DENND1A: variants seen among roughly 807,000 people sequenced by gnomAD.
DENND1A encodes the protein DENN domain-containing protein 1A.
Under a neutral mutation model 113.7 loss-of-function variants are expected in DENND1A, and 51 were observed. The observed-to-expected ratio is 0.45, with a 90% confidence interval of 0.36 to 0.57. DENND1A has a LOEUF of 0.57. Among genes scored for constraint, DENND1A ranks in the 20% least tolerant of loss-of-function variants. DENND1A has a pLI of 0.00. For synonymous variants in DENND1A, 565 were observed against 570.8 expected (o/e 0.99, Z 0.14); for missense variants, 1,258 against 1,395.9 (o/e 0.90, Z 1.57).
At chr9:123,432,252 A>G (rs2046189750) in intron 19 of DENND1A, among the ~76,000 whole-genome samples, 1 of 152,242 alleles carries the variant, frequency 6.6e-6, no homozygotes, top group African/African-American at 2.4e-5. Context: ...GTCTGCTCAA[A>G]GGAGCAAACC....
chr9:123,573,759 C>CT (rs970044971), intron 12 of DENND1A, among the ~76,000 whole-genome samples: 2 of 151,918 alleles, frequency 1.3e-5, no homozygotes, highest in African/African-American at 4.8e-5. Flanking sequence ...GGCTTTACCT[C>CT]TTTTCCCTGT....
At chr9:123,551,460 A>G (rs2057039299) in intron 13 of DENND1A, among the ~76,000 whole-genome samples, 1 of 152,232 alleles carries the variant, frequency 6.6e-6, no homozygotes, top group Admixed American at 6.5e-5. Context: ...TGGAAACTAG[A>G]ACAAAGACAG....
At chr9:123,677,027 A>C (rs2064120989) in intron 5 of DENND1A, among the ~76,000 whole-genome samples, 1 of 152,224 alleles carries the variant, frequency 6.6e-6, no homozygotes, top group South Asian at 2.1e-4. Flanking sequence ...CCTCAGAGCT[A>C]GAACAGTTCA....
chr9:123,888,141 C>T (rs1387499609), intron 1 of DENND1A, among the ~76,000 whole-genome samples: 1 of 152,090 alleles, frequency 6.6e-6, no homozygotes, highest in Non-Finnish European at 1.5e-5. Context: ...GATTCTAGCA[C>T]TAAGACAGGG....
Position 123,546,362 on chromosome 9 carries a change from C to T in DENND1A, c.993+11208G>A, listed in dbSNP as rs546107192. ...AGGAGATCAAGACCATCCTGGCTAA[C>T]ACAGTGAAACCCCGTCTCTACTAAA... On this transcript the variant is annotated intron_variant, in intron 13 of 23. Transcript: ENST00000394215. Among the ~76,000 whole-genome samples the T allele has an allele frequency of 1.6e-4, 25 of 151,904 alleles. No homozygotes were observed. In the South Asian group the frequency reaches 3.3e-3, roughly 20 times the overall value.
intron 10 of DENND1A, among the ~76,000 whole-genome samples, chr9:123,626,329 T>C (rs1186904992): frequency 6.6e-6 from 1 of 151,924 alleles, no homozygotes; most frequent in Non-Finnish European, 1.5e-5. Flanking sequence ...GTGTGGGGTC[T>C]ATTCCTGTGA....
At chr9:123,497,307 G>T (rs945979131) in intron 13 of DENND1A, among the ~76,000 whole-genome samples, 1 of 152,136 alleles carries the variant, frequency 6.6e-6, no homozygotes, top group African/African-American at 2.4e-5. Flanking sequence ...CAATTGTAAG[G>T]CTCTTTTATT....
intron 13 of DENND1A, among the ~76,000 whole-genome samples, chr9:123,530,159 G>A (rs1450015733): frequency 6.6e-6 from 1 of 152,106 alleles, no homozygotes; most frequent in Admixed American, 6.6e-5. Flanking sequence ...TGGCAGAGAA[G>A]TAGTATTTGA....
chr9:123,703,263 C>T (rs928999133), intron 5 of DENND1A, among the ~76,000 whole-genome samples: 6 of 152,152 alleles, frequency 3.9e-5, no homozygotes, highest in Non-Finnish European at 8.8e-5. Flanking sequence ...TGAGCCACTG[C>T]ACCCAGCCTA....
Position 123,382,362 on chromosome 9 carries a change from G to A in DENND1A, c.2283C>T (p.Pro761=). ...PTPTLGSITI[P]RPQGRKTPEL... is the part of the protein sequence containing the mutation. ...CTGGGGTCTTCCTGCCTTGGGGCCG[G>A]GGGATGGTGATGCTGCCCAGAGTAG... The change falls in exon 24 of 24, where the codon CCC becomes CCT. Residue 761 remains proline (P), a synonymous_variant. Coordinates refer to ENST00000394215, the MANE Select transcript of DENND1A (RefSeq NM_001352964.2). The A allele has an allele frequency of 6.2e-7, 1 of 1,601,062 alleles. No homozygotes were observed. The highest frequency in any genetic ancestry group is 8.5e-7 in the Non-Finnish European group (1 of 1,173,740).
intron 9 of DENND1A, among the ~76,000 whole-genome samples, chr9:123,649,526 T>G (rs1474717411): frequency 1.3e-5 from 2 of 152,220 alleles, no homozygotes; most frequent in Non-Finnish European, 2.9e-5. Context: ...CTTGAGATGT[T>G]TGATAAAACA....
At chr9:123,384,503 A>AGGT (rs1480596268) in intron 22 of DENND1A, among the ~76,000 whole-genome samples, 2 of 152,194 alleles carry the variant, frequency 1.3e-5, no homozygotes, top group South Asian at 2.1e-4. Context: ...TCAGGTGCTC[A>AGGT]GGTGGTGGTG....
At chr9:123,780,084 C>G (rs576888863) in intron 3 of DENND1A, among the ~76,000 whole-genome samples, 1 of 152,158 alleles carries the variant, frequency 6.6e-6, no homozygotes, top group Non-Finnish European at 1.5e-5. Flanking sequence ...GAACTCCTGA[C>G]GTCAAGTGAT....
chr9:123,499,164 G>T (rs2052233899), intron 13 of DENND1A, among the ~76,000 whole-genome samples: 1 of 152,074 alleles, frequency 6.6e-6, no homozygotes, highest in African/African-American at 2.4e-5. Context: ...CTCCCGAGTA[G>T]CTGGGATTAC....
At chr9:123,896,740 G>C (rs888242910) in intron 1 of DENND1A, among the ~76,000 whole-genome samples, 6 of 152,086 alleles carry the variant, frequency 3.9e-5, no homozygotes, top group African/African-American at 1.4e-4. Flanking sequence ...TAACTGAACG[G>C]ATGACTTAAG....
chr9:123,767,840 C>T (rs934911877), intron 4 of DENND1A, among the ~76,000 whole-genome samples: 6 of 152,198 alleles, frequency 3.9e-5, no homozygotes, highest in Admixed American at 6.5e-5. Context: ...AATCACCACT[C>T]TAACAAGAAG....
chr9:123,827,416 TAG>T, intron 2 of DENND1A, among the ~76,000 whole-genome samples: 1 of 146,958 alleles, frequency 6.8e-6, no homozygotes, highest in African/African-American at 2.5e-5. Context: ...TATATATATA[TAG>T]GTGGGAGGAA....
intron 1 of DENND1A, among the ~76,000 whole-genome samples, chr9:123,879,784 T>C (rs779515118): frequency 6.6e-6 from 1 of 152,184 alleles, no homozygotes; most frequent in Non-Finnish European, 1.5e-5. Context: ...CTTGCTTATG[T>C]ACAGGTTTTC....
At chr9:123,594,783 G>A (rs2059611262) in intron 11 of DENND1A, among the ~76,000 whole-genome samples, 1 of 152,138 alleles carries the variant, frequency 6.6e-6, no homozygotes, top group Non-Finnish European at 1.5e-5. Flanking sequence ...TACACAGCAT[G>A]CACAAAATGT....
Sources: gnomAD v4.1 joint callset for allele counts (sites outside exome capture counted in the v4.1 genomes callset) on GRCh38, gnomAD v4.1.1 for gene constraint, MANE v1.5 for transcripts, NCBI Gene and HGNC (gene_info 2026-07-23, HGNC 2026-07-21) for gene names.